Variants in FRAS1 observed in about 807,000 individuals in gnomAD.
FRAS1 encodes Fraser extracellular matrix complex subunit 1, also known as extracellular matrix organizing protein FRAS1.
In FRAS1, 290 loss-of-function variants were observed where a neutral mutation model predicts 435.2. The observed-to-expected ratio is 0.67, with a 90% CI of 0.61 to 0.73. The LOEUF (loss-of-function observed/expected upper bound fraction) is 0.73. Among genes scored for constraint, FRAS1 ranks in the 30% least tolerant of loss-of-function variants. The pLI is 0.00. For synonymous variants in FRAS1, 1,800 were observed against 1,851.0 expected, an observed-to-expected ratio of 0.97 and a Z score of 0.71; for missense variants, 4,860 against 5,001.5, an observed-to-expected ratio of 0.97 and a Z score of 0.85.
intron 2 of FRAS1, among the ~76,000 whole-genome samples, chr4:78,213,335 G>A (rs1578188130): frequency 2.0e-5 from 3 of 152,236 alleles, no homozygotes; most frequent in Admixed American, 6.5e-5. Flanking sequence ...TCCTTCTGTC[G>A]TTCCTTCAAG....
At chr4:78,334,836 GC>G in intron 19 of FRAS1, among the ~76,000 whole-genome samples, 1 of 151,928 alleles carries the variant, frequency 6.6e-6, no homozygotes, top group East Asian at 1.9e-4. Flanking sequence ...ATAGCTCACT[GC>G]AGCCTTGAAC....
intron 2 of FRAS1, chr4:78,070,504 A>G (rs1740287214): frequency 6.6e-6 from 1 of 152,190 alleles, no homozygotes; most frequent in Non-Finnish European, 1.5e-5. Context: ...CTTGAAAAAC[A>G]CTGAATAATC....
intron 2 of FRAS1, among the ~76,000 whole-genome samples, chr4:78,118,637 C>G (rs933308139): frequency 2.0e-5 from 3 of 152,198 alleles, no homozygotes; most frequent in African/African-American, 7.2e-5. Context: ...GATACAATCT[C>G]CTGGTGTGCC....
At chr4:78,305,687 C>G (rs1033720157) in intron 14 of FRAS1, among the ~76,000 whole-genome samples, 2 of 151,392 alleles carry the variant, frequency 1.3e-5, no homozygotes. Flanking sequence ...ATTGCAACCC[C>G]TGCCTTTTTT....
intron 16 of FRAS1, among the ~76,000 whole-genome samples, chr4:78,316,250 G>T (rs1012069786): frequency 3.3e-5 from 5 of 152,134 alleles, no homozygotes; most frequent in Admixed American, 3.3e-4. Flanking sequence ...ATACCCATTT[G>T]AGACTTTATA....
At chr4:78,068,032 T>C (rs953559946) in intron 2 of FRAS1, among the ~76,000 whole-genome samples, 2 of 151,972 alleles carry the variant, frequency 1.3e-5, no homozygotes, top group African/African-American at 2.4e-5. Flanking sequence ...ATTGTAGTTA[T>C]GCAATTCAGT....
intron 47 of FRAS1, among the ~76,000 whole-genome samples, chr4:78,459,047 C>T (rs933414198): frequency 6.6e-6 from 1 of 152,188 alleles, no homozygotes; most frequent in Non-Finnish European, 1.5e-5. Flanking sequence ...TAGAATGTTA[C>T]ACATTAGAAT....
At chr4:78,150,213 T>C (rs1720587877) in intron 2 of FRAS1, among the ~76,000 whole-genome samples, 1 of 152,176 alleles carries the variant, frequency 6.6e-6, no homozygotes, top group Admixed American at 6.5e-5. Context: ...CCAAAGGAAA[T>C]TGAAATGTCA....
chr4:78,063,328 T>C (rs2109844535), intron 1 of FRAS1, among the ~76,000 whole-genome samples: 1 of 152,212 alleles, frequency 6.6e-6, no homozygotes, highest in Admixed American at 6.5e-5. Context: ...TGATGATAAA[T>C]GTTTGATAGA....
At chr4:78,209,650 C>A (rs922662900) in intron 2 of FRAS1, among the ~76,000 whole-genome samples, 3 of 152,126 alleles carry the variant, frequency 2.0e-5, no homozygotes, top group African/African-American at 7.2e-5. Context: ...CTATTTTCTG[C>A]CCTTTTCTCT....
At position 78,369,820 on chromosome 4, in the gene FRAS1, C is replaced by A. The variant is rs1202056227; in HGVS notation, c.2723-18C>A. ...GCAATTGTAATCATCTGGTCATTTT[C>A]TTTTCCTGTCTGCTCAGCATGCAAC... On this transcript the variant is annotated intron_variant, in intron 22 of 73. Transcript: ENST00000512123. The A allele has an allele frequency of 4.4e-6, 7 of 1,601,632 alleles. No homozygotes were observed. The African/African-American group carries it at 9.4e-5, about 22-fold the overall frequency.
intron 42 of FRAS1, chr4:78,446,491 G>T: frequency 7.6e-7 from 1 of 1,316,018 alleles, no homozygotes; most frequent in South Asian, 1.9e-5. Context: ...ACTTACGGAA[G>T]ATATCTGAGA....
intron 17 of FRAS1, among the ~76,000 whole-genome samples, chr4:78,317,972 A>G (rs1327250632): frequency 6.6e-6 from 1 of 152,194 alleles, no homozygotes; most frequent in Non-Finnish European, 1.5e-5. Flanking sequence ...GCTGCTTGGG[A>G]GGGCAATATC....
chr4:78,090,320 A>G (rs1214617635), intron 2 of FRAS1, among the ~76,000 whole-genome samples: 1 of 152,234 alleles, frequency 6.6e-6, no homozygotes, highest in Non-Finnish European at 1.5e-5. Flanking sequence ...GTGTCTAGCT[A>G]TATGCTAATG....
At chr4:78,120,099 T>A (rs1159559753) in intron 2 of FRAS1, among the ~76,000 whole-genome samples, 3 of 152,236 alleles carry the variant, frequency 2.0e-5, no homozygotes, top group African/African-American at 7.2e-5. Flanking sequence ...ATCATATTGT[T>A]CTGAAAACAG....
chr4:78,399,494 G>A (rs886687990), intron 29 of FRAS1, among the ~76,000 whole-genome samples: 1 of 152,202 alleles, frequency 6.6e-6, no homozygotes, highest in African/African-American at 2.4e-5. Context: ...GTCTCCTTCT[G>A]TGGAAAATGT....
chr4:78,162,024 A>G (rs1192044362), intron 2 of FRAS1, among the ~76,000 whole-genome samples: 2 of 152,080 alleles, frequency 1.3e-5, no homozygotes, highest in Admixed American at 6.6e-5. Context: ...AACTCCATGC[A>G]TTTTTCAAGC....
At chr4:78,343,489 A>T (rs1172881650) in intron 20 of FRAS1, among the ~76,000 whole-genome samples, 1 of 137,388 alleles carries the variant, frequency 7.3e-6, no homozygotes, top group Non-Finnish European at 1.6e-5. Flanking sequence ...GTGGGCAGGC[A>T]GAGAGGTCAC....
chr4:78,296,950 C>T (rs1728171495), intron 14 of FRAS1, among the ~76,000 whole-genome samples: 1 of 152,120 alleles, frequency 6.6e-6, no homozygotes, highest in Non-Finnish European at 1.5e-5. Context: ...TTCCACTTTA[C>T]AAATTAGGAA....
Sources: gnomAD v4.1 joint callset for allele counts (sites outside exome capture counted in the v4.1 genomes callset) on GRCh38, gnomAD v4.1.1 for gene constraint, MANE v1.5 for transcripts, NCBI Gene and HGNC (gene_info 2026-07-23, HGNC 2026-07-21) for gene names.